The following SASH1 variants were observed in gnomAD, a reference collection of about 807,000 sequenced individuals.
SASH1 encodes SAM and SH3 domain-containing protein 1.
Under a neutral mutation model 125.2 loss-of-function variants are expected in SASH1, and 44 were observed. That is an observed-to-expected ratio of 0.35 (90% CI 0.28 to 0.45). SASH1 has a LOEUF of 0.45. SASH1 is among the 20% of genes least tolerant of loss of function. SASH1 has a pLI of 1.00. For missense variants in SASH1, 1,426 were observed against 1,614.5 expected, an observed-to-expected ratio of 0.88 and a Z score of 2.00; for synonymous variants, 639 against 649.1, an observed-to-expected ratio of 0.98 and a Z score of 0.24.
intron 2 of SASH1, among the ~76,000 whole-genome samples, chr6:148,398,936 ATTTT>A (rs979915515): frequency 6.6e-6 from 1 of 152,130 alleles, no homozygotes; most frequent in African/African-American, 2.4e-5. Context: ...TTTAGTCAGC[ATTTT>A]TTGCACATGG....
At chr6:148,349,645 A>G (rs565580651) in intron 1 of SASH1, among the ~76,000 whole-genome samples, 57 of 152,184 alleles carry the variant, frequency 3.7e-4, no homozygotes, top group Non-Finnish European at 6.6e-4. Flanking sequence ...CCAGGCAGGG[A>G]TAGTGAGAGC....
At chr6:148,459,093 A>G (rs1302213829) in intron 4 of SASH1, among the ~76,000 whole-genome samples, 3 of 152,166 alleles carry the variant, frequency 2.0e-5, no homozygotes, top group African/African-American at 7.2e-5. Flanking sequence ...GAAGGCATTT[A>G]TAACTTCACA....
intron 1 of SASH1, among the ~76,000 whole-genome samples, chr6:148,389,775 C>T (rs1366495226): frequency 1.3e-5 from 2 of 152,298 alleles, no homozygotes; most frequent in African/African-American, 4.8e-5. Flanking sequence ...CCTGGTGTTT[C>T]CTCTCTTAGC....
intron 1 of SASH1, among the ~76,000 whole-genome samples, chr6:148,372,916 C>T (rs1010137812): frequency 7.2e-5 from 11 of 152,026 alleles, no homozygotes; most frequent in African/African-American, 2.4e-4. Flanking sequence ...TATAAGGGGC[C>T]GGGCACGGTG....
At chr6:148,253,983 A>C in the SASH1 span, among the ~76,000 whole-genome samples, 1 of 152,164 alleles carries the variant, frequency 6.6e-6, no homozygotes, top group Non-Finnish European at 1.5e-5. Flanking sequence ...AGGTGGGCGG[A>C]TCACCTGAGG....
intron 9 of SASH1, among the ~76,000 whole-genome samples, chr6:148,516,050 A>AATC (rs1780417838): frequency 6.6e-6 from 1 of 152,254 alleles, no homozygotes; most frequent in African/African-American, 2.4e-5. Context: ...TTTCAGAATA[A>AATC]ATCAATCCAA....
At chr6:148,381,252 T>G (rs1303864291) in intron 1 of SASH1, among the ~76,000 whole-genome samples, 2 of 152,140 alleles carry the variant, frequency 1.3e-5, no homozygotes, top group Non-Finnish European at 2.9e-5. Context: ...CAGTAGGTAG[T>G]TGGGGATGAC....
At chr6:148,223,087 A>G in the SASH1 span, among the ~76,000 whole-genome samples, 1 of 152,152 alleles carries the variant, frequency 6.6e-6, no homozygotes, top group African/African-American at 2.4e-5. Context: ...GATGCTGAGA[A>G]CTCTCTTAAA....
chr6:148,236,218 A>ATT, the SASH1 span, among the ~76,000 whole-genome samples: 2 of 145,688 alleles, frequency 1.4e-5, no homozygotes, highest in Non-Finnish European at 3.0e-5. Context: ...ATTAAATTAA[A>ATT]TTTTTTTTTT....
the SASH1 span, among the ~76,000 whole-genome samples, chr6:148,256,316 C>T: frequency 6.6e-6 from 1 of 152,200 alleles, no homozygotes; most frequent in Admixed American, 6.5e-5. Flanking sequence ...TCTAACTAGA[C>T]TGACTATTTT....
intron 2 of SASH1, among the ~76,000 whole-genome samples, chr6:148,439,312 G>A (rs905468187): frequency 1.3e-5 from 2 of 152,002 alleles, no homozygotes; most frequent in Non-Finnish European, 2.9e-5. Context: ...TTATCAACTC[G>A]ATACCGCGCG....
At chr6:148,439,268 A>T (rs1776444094) in intron 2 of SASH1, among the ~76,000 whole-genome samples, 1 of 152,182 alleles carries the variant, frequency 6.6e-6, no homozygotes, top group African/African-American at 2.4e-5. Flanking sequence ...ATGATATTTC[A>T]GTGCATTCTT....
At chr6:148,347,382 G>A (rs968790446) in intron 1 of SASH1, among the ~76,000 whole-genome samples, 4 of 152,078 alleles carry the variant, frequency 2.6e-5, no homozygotes, top group Non-Finnish European at 4.4e-5. Context: ...GAGATACTCC[G>A]AACCTTCCCC....
chr6:148,493,299 C>T (rs1779187003), intron 8 of SASH1, among the ~76,000 whole-genome samples: 1 of 152,132 alleles, frequency 6.6e-6, no homozygotes, highest in Non-Finnish European at 1.5e-5. Flanking sequence ...CTGGCTTTAG[C>T]CTGTTCTGCA....
chr6:148,428,991 C>T (rs1775942834), intron 2 of SASH1, among the ~76,000 whole-genome samples: 1 of 152,048 alleles, frequency 6.6e-6, no homozygotes, highest in African/African-American at 2.4e-5. Context: ...TGAAATGAGA[C>T]ATGAAAAGCT....
chr6:148,409,078 C>T (rs1361724787), intron 2 of SASH1, among the ~76,000 whole-genome samples: 1 of 152,160 alleles, frequency 6.6e-6, no homozygotes, highest in Non-Finnish European at 1.5e-5. Context: ...TGGCTCTTGC[C>T]CTTGTGTACC....
intron 1 of SASH1, among the ~76,000 whole-genome samples, chr6:148,330,567 C>T (rs1260555984): frequency 2.0e-5 from 3 of 152,060 alleles, no homozygotes; most frequent in Non-Finnish European, 2.9e-5. Flanking sequence ...CTCTTATTAA[C>T]ACATTCCTTT....
chr6:148,244,944 G>GTC, the SASH1 span, among the ~76,000 whole-genome samples: 1 of 132,806 alleles, frequency 7.5e-6, no homozygotes, highest in Non-Finnish European at 1.7e-5. Flanking sequence ...GTGTGTGTGT[G>GTC]TGTGTGTGTG....
At chr6:148,504,957 A>G (rs1779720076) in intron 8 of SASH1, among the ~76,000 whole-genome samples, 1 of 152,164 alleles carries the variant, frequency 6.6e-6, no homozygotes, top group Non-Finnish European at 1.5e-5. Context: ...GAGGCCGCTC[A>G]GGGGAAGTAC....
Sources: gnomAD v4.1 joint callset for allele counts (sites outside exome capture counted in the v4.1 genomes callset) on GRCh38, gnomAD v4.1.1 for gene constraint, MANE v1.5 for transcripts, NCBI Gene and HGNC (gene_info 2026-07-23, HGNC 2026-07-21) for gene names.